The following DISC1 variants were observed in gnomAD, a reference collection of about 807,000 sequenced individuals.
DISC1 encodes the protein disrupted in schizophrenia 1 protein.
In DISC1, 57 loss-of-function variants were observed where a neutral mutation model predicts 84.5. That is an observed-to-expected ratio of 0.67 (90% CI 0.55 to 0.84). The LOEUF is 0.84. Among genes scored for constraint, DISC1 ranks in the 40% least tolerant of loss-of-function variants. The pLI is 0.00. For missense variants in DISC1, 1,000 were observed against 1,057.8 expected, an observed-to-expected ratio of 0.95 and a Z score of 0.76; for synonymous variants, 411 against 415.2, an observed-to-expected ratio of 0.99 and a Z score of 0.12.
chr1:231,780,115 A>G (rs897394458), intron 6 of DISC1, among the ~76,000 whole-genome samples: 2 of 152,042 alleles, frequency 1.3e-5, no homozygotes, highest in Non-Finnish European at 2.9e-5. Context: ...GAGGGATAGC[A>G]TTGGGAGATA....
At chr1:231,871,056 A>G (rs2085422229) in intron 9 of DISC1, among the ~76,000 whole-genome samples, 1 of 151,970 alleles carries the variant, frequency 6.6e-6, no homozygotes, top group African/African-American at 2.4e-5. Context: ...ACCTGTGTGG[A>G]ATAGGGCAGA....
chr1:231,928,148 G>A lies in DISC1; in HGVS notation c.1982-30680G>A, dbSNP rs187149337. Among the ~76,000 whole-genome samples the A allele has an allele frequency of 3.9e-5, 6 of 152,278 alleles. No individual in the cohort carries two copies. The East Asian group carries it at 1.2e-3, about 29-fold the overall frequency. Reference sequence around the variant, plus strand: ...AGAGCAAACACCCATTCAGTGAAGGGCCCTGAAAGGCATAGAAAAGGACAA... The same window carrying A: ...AGAGCAAACACCCATTCAGTGAAGGACCCTGAAAGGCATAGAAAAGGACAA... On this transcript the variant is annotated intron_variant, in intron 9 of 12. Coordinates refer to ENST00000439617, the MANE Select transcript of DISC1 (RefSeq NM_018662.3).
In DISC1 at chr1:231,741,418, A is replaced by AT. The variant is rs1188041828; in HGVS notation, c.1118-8508_1118-8507insT. Among the ~76,000 whole-genome samples the AT allele has an allele frequency of 3.3e-5, 5 of 152,250 alleles. No individual in the cohort carries two copies. The East Asian group carries it at 7.7e-4, about 23-fold the overall frequency. ...AGTGGCTTATGAAAAACATAAAAAA[A>AT]CAAGAAACAAAACAAGGGAATCTAA... On this transcript the variant is annotated intron_variant, in intron 3 of 12. Coordinates refer to ENST00000439617, the MANE Select transcript of DISC1 (RefSeq NM_018662.3).
In DISC1 at chr1:232,009,977, C is replaced by A. The variant is rs1001277319; in HGVS notation, c.2307+928C>A. ...GTGGGTGGGGAAATTGCCACCTCCC[C>A]AGGCCAGCCCTGCCAGTCTCACATC... On this transcript the variant is annotated intron_variant, in intron 11 of 12. Transcript: ENST00000439617. This position sits in a 1 kb window ranked among gnomAD's most constrained non-coding sequence, Gnocchi z 4.6. Among the ~76,000 whole-genome samples the A allele has an allele frequency of 6.6e-6, 1 of 152,178 alleles. No individual in the cohort carries two copies. Among genetic ancestry groups the A allele is most frequent in the Admixed American group, 6.5e-5 (1 of 15,272 alleles).
intron 8 of DISC1, among the ~76,000 whole-genome samples, chr1:231,807,061 C>T (rs1284113019): frequency 6.6e-6 from 1 of 152,250 alleles, no homozygotes; most frequent in Non-Finnish European, 1.5e-5. Flanking sequence ...TGCCTGCCTT[C>T]CCACTGCTGG....
At chr1:231,774,528 G>A (rs1180213890) in intron 6 of DISC1, 1 of 349,508 alleles carries the variant, frequency 2.9e-6, no homozygotes, top group South Asian at 2.1e-5. Flanking sequence ...GTGATCCTTG[G>A]CATCAGTCTA....
At chr1:231,654,633 C>G (rs1463477920) in intron 1 of DISC1, among the ~76,000 whole-genome samples, 2 of 152,164 alleles carry the variant, frequency 1.3e-5, no homozygotes, top group Non-Finnish European at 2.9e-5. Flanking sequence ...TACCCTTGCC[C>G]CAGCCCCTGC....
chr1:231,821,907 G>T (rs1397399627), intron 9 of DISC1, among the ~76,000 whole-genome samples: 1 of 152,006 alleles, frequency 6.6e-6, no homozygotes, highest in Middle Eastern at 3.4e-3. Flanking sequence ...CACCATGTTG[G>T]CCAGGCTGGT....
At chr1:231,722,874 G>GA (rs2070028166) in intron 3 of DISC1, 4 of 1,383,878 alleles carry the variant, frequency 2.9e-6, no homozygotes, top group South Asian at 3.1e-5. Context: ...GTCATGGCAT[G>GA]AAAAAACCGC....
intron 1 of DISC1, among the ~76,000 whole-genome samples, chr1:231,676,610 T>C (rs2063178311): frequency 6.6e-6 from 1 of 152,246 alleles, no homozygotes. Context: ...GTCTTTCTAG[T>C]GTGTTGACAT....
At chr1:231,678,451 C>A in intron 1 of DISC1, among the ~76,000 whole-genome samples, 1 of 152,172 alleles carries the variant, frequency 6.6e-6, no homozygotes, top group East Asian at 1.9e-4. Context: ...GCAGTGTGGA[C>A]AAGGGCCTCA....
At chr1:231,843,364 T>A (rs541317030) in intron 9 of DISC1, among the ~76,000 whole-genome samples, 2 of 152,168 alleles carry the variant, frequency 1.3e-5, no homozygotes, top group East Asian at 3.9e-4. Flanking sequence ...TGGGCTTGTG[T>A]ACCACTTAAG....
intron 8 of DISC1, among the ~76,000 whole-genome samples, chr1:231,809,516 T>C (rs1296762934): frequency 1.6e-5 from 2 of 122,984 alleles, no homozygotes; most frequent in African/African-American, 3.1e-5. Flanking sequence ...CAAAAGCCTT[T>C]TTTTTTTGAA....
At chr1:231,762,110 T>C (rs1482052788) in intron 4 of DISC1, among the ~76,000 whole-genome samples, 3 of 152,026 alleles carry the variant, frequency 2.0e-5, no homozygotes, top group Non-Finnish European at 2.9e-5. Context: ...CTTTCTTCTT[T>C]CCTTTCTTTT....
In DISC1 at chr1:231,996,759, AT is replaced by A. The variant is rs1007074954; in HGVS notation, c.2043-12022del. Among the ~76,000 whole-genome samples, 19 of 152,274 alleles carry A rather than the reference AT, an allele frequency of 1.2e-4. 1 individual carries two copies. Among genetic ancestry groups the A allele is most frequent in the Admixed American group, 3.9e-4 (6 of 15,292 alleles). ...ACACTCAGATGATCTCCTAGACCCC[AT>A]TTTACTTCCAACTGGCAGGAATCAC... is the stretch of plus-strand genomic sequence containing the variant. On this transcript the variant is annotated intron_variant, in intron 10 of 12. Coordinates refer to ENST00000439617, the MANE Select transcript of DISC1 (RefSeq NM_018662.3).
At chr1:231,835,242 C>T (rs529512860) in intron 9 of DISC1, among the ~76,000 whole-genome samples, 43 of 152,320 alleles carry the variant, frequency 2.8e-4, no homozygotes, top group Admixed American at 7.2e-4. Flanking sequence ...AAATTTCACT[C>T]GCGTCCGTGT....
chr1:232,024,078 T>TA (rs1669219068), intron 11 of DISC1, among the ~76,000 whole-genome samples: 1 of 151,140 alleles, frequency 6.6e-6, no homozygotes, highest in Non-Finnish European at 1.5e-5. Flanking sequence ...TATATATATA[T>TA]TTATCTGTGA....
At chr1:231,856,138 G>A (rs1430072433) in intron 9 of DISC1, among the ~76,000 whole-genome samples, 1 of 152,132 alleles carries the variant, frequency 6.6e-6, no homozygotes, top group Admixed American at 6.5e-5. Context: ...ATGGGAGATG[G>A]GTTGCCCAAT....
At chr1:231,784,974 C>T (rs1422473323) in intron 6 of DISC1, among the ~76,000 whole-genome samples, 1 of 152,132 alleles carries the variant, frequency 6.6e-6, no homozygotes, top group African/African-American at 2.4e-5. Context: ...TGTGCCTTTA[C>T]AAGATCATCT....
Sources: gnomAD v4.1 joint callset for allele counts (sites outside exome capture counted in the v4.1 genomes callset) on GRCh38, gnomAD v4.1.1 for gene constraint, Gnocchi (gnomAD v3.1) non-coding constraint, MANE v1.5 for transcripts, NCBI Gene and HGNC (gene_info 2026-07-23, HGNC 2026-07-21) for gene names.